KIAA0825: variants seen among roughly 807,000 people sequenced by gnomAD.
KIAA0825 encodes KIAA0825, also known as uncharacterized protein KIAA0825.
In KIAA0825, 119 loss-of-function variants were observed where a neutral mutation model predicts 147.6. The ratio of observed to expected loss-of-function variants is 0.81; its 90% CI spans 0.69 to 0.94. The LOEUF (loss-of-function observed/expected upper bound fraction) is 0.94. Among genes scored for constraint, KIAA0825 ranks in the 40% least tolerant of loss-of-function variants. The pLI, the probability that KIAA0825 is intolerant of heterozygous loss-of-function variation, is 0.00. For synonymous variants in KIAA0825, 470 were observed against 518.1 expected (o/e 0.91, Z 1.26); for missense variants, 1,381 against 1,472.7 (o/e 0.94, Z 1.02).
At chr5:94,522,116 T>C (rs1768332026) in intron 4 of KIAA0825, among the ~76,000 whole-genome samples, 1 of 151,740 alleles carries the variant, frequency 6.6e-6, no homozygotes, top group South Asian at 2.1e-4. Context: ...GGCATATGTA[T>C]TTAAAAACCC....
chr5:94,205,282 T>TATATATATAC (rs1326039669), intron 20 of KIAA0825, among the ~76,000 whole-genome samples: 1 of 140,318 alleles, frequency 7.1e-6, no homozygotes, highest in Non-Finnish European at 1.5e-5. Context: ...TATATATATA[T>TATATATATAC]ATATATATAT....
At chr5:94,411,421 T>C (rs1187115872) in intron 15 of KIAA0825, among the ~76,000 whole-genome samples, 1 of 152,146 alleles carries the variant, frequency 6.6e-6, no homozygotes, top group African/African-American at 2.4e-5. Context: ...GACAAAAGCA[T>C]TGGAGTAATT....
rs1746090168 is a variant in KIAA0825 at position 94,367,834 on chromosome 5, A to G, written c.3710+16534T>C. On this transcript the variant is annotated intron_variant, in intron 20 of 20. Transcript: ENST00000682413. Reference sequence around the variant, plus strand: ...TCCTTTTATGTTTCACCCTTATTCTATCAGCATCAAAAAGTATCTGCGTAT... The same window carrying G: ...TCCTTTTATGTTTCACCCTTATTCTGTCAGCATCAAAAAGTATCTGCGTAT... Among the ~76,000 whole-genome samples the G allele has an allele frequency of 2.0e-5, 3 of 152,246 alleles. No homozygotes were observed. In the South Asian group the frequency reaches 6.2e-4, roughly 31 times the overall value.
At chr5:94,190,732 A>G (rs903197563) in intron 20 of KIAA0825, among the ~76,000 whole-genome samples, 8 of 151,360 alleles carry the variant, frequency 5.3e-5, no homozygotes, top group East Asian at 1.9e-4. Flanking sequence ...CTCCTATACT[A>G]TTTTGATATG....
At chr5:94,378,776 G>A (rs966071561) in intron 20 of KIAA0825, among the ~76,000 whole-genome samples, 2 of 152,064 alleles carry the variant, frequency 1.3e-5, no homozygotes, top group African/African-American at 4.8e-5. Flanking sequence ...GTTATTTTTT[G>A]ACTTTTTATT....
chr5:94,288,894 G>A (rs969864185), intron 20 of KIAA0825, among the ~76,000 whole-genome samples: 6 of 152,126 alleles, frequency 3.9e-5, no homozygotes, highest in Admixed American at 6.6e-5. Flanking sequence ...ACTTAAAATC[G>A]TATTAAAAGA....
chr5:94,301,873 A>G (rs1778424307), intron 20 of KIAA0825, among the ~76,000 whole-genome samples: 1 of 152,176 alleles, frequency 6.6e-6, no homozygotes, highest in Non-Finnish European at 1.5e-5. Context: ...TTTTGATTTT[A>G]TCCCTCTAAA....
chr5:94,335,983 A>G (rs964252348), intron 20 of KIAA0825, among the ~76,000 whole-genome samples: 5 of 152,216 alleles, frequency 3.3e-5, no homozygotes, highest in African/African-American at 1.2e-4. Context: ...TGATTTGCTC[A>G]TATATGGCTT....
intron 14 of KIAA0825, among the ~76,000 whole-genome samples, chr5:94,417,743 T>A (rs1006378956): frequency 6.6e-6 from 1 of 152,178 alleles, no homozygotes; most frequent in Non-Finnish European, 1.5e-5. Flanking sequence ...TAAAAAAATT[T>A]TTTTGTAATC....
intron 12 of KIAA0825, among the ~76,000 whole-genome samples, chr5:94,456,893 TAAAATAATGG>T (rs1759185828): frequency 6.6e-6 from 1 of 152,168 alleles, no homozygotes; most frequent in East Asian, 1.9e-4. Flanking sequence ...CATGACTAGA[TAAAATAATGG>T]AGGGTCTAAA....
intron 20 of KIAA0825, among the ~76,000 whole-genome samples, chr5:94,229,148 C>G (rs1337221151): frequency 6.6e-6 from 1 of 152,180 alleles, no homozygotes; most frequent in East Asian, 1.9e-4. Flanking sequence ...CTAACTCTTT[C>G]TTGGTTTGCT....
At chr5:94,596,006 T>C (rs1268785390) in intron 1 of KIAA0825, among the ~76,000 whole-genome samples, 4 of 152,186 alleles carry the variant, frequency 2.6e-5, no homozygotes, top group Admixed American at 6.5e-5. Flanking sequence ...TTGCCAGATG[T>C]ATAGTTTGCA....
chr5:94,369,135 G>C (rs1215421859), intron 20 of KIAA0825, among the ~76,000 whole-genome samples: 1 of 152,102 alleles, frequency 6.6e-6, no homozygotes, highest in Admixed American at 6.5e-5. Flanking sequence ...TCCAGCCTAG[G>C]TGACAGAGTG....
intron 10 of KIAA0825, 86 bp from the exon 11 acceptor site, chr5:94,465,145 G>A: frequency 1.6e-6 from 2 of 1,261,852 alleles, no homozygotes; most frequent in Non-Finnish European, 2.2e-6. Flanking sequence ...AGTTCAGGCT[G>A]AAAGGAAATA....
intron 2 of KIAA0825, among the ~76,000 whole-genome samples, chr5:94,555,263 G>A (rs1657488478): frequency 6.6e-6 from 1 of 151,924 alleles, no homozygotes; most frequent in Non-Finnish European, 1.5e-5. Flanking sequence ...ATCTTAATTT[G>A]TTGATAGTCA....
intron 14 of KIAA0825, among the ~76,000 whole-genome samples, chr5:94,436,950 A>G (rs1043194799): frequency 1.3e-5 from 2 of 152,112 alleles, no homozygotes; most frequent in African/African-American, 4.8e-5. Context: ...AATGCTAGCA[A>G]TTTTTACACA....
At chr5:94,376,277 G>C (rs1290876994) in intron 20 of KIAA0825, among the ~76,000 whole-genome samples, 2 of 152,104 alleles carry the variant, frequency 1.3e-5, no homozygotes, top group African/African-American at 4.8e-5. Flanking sequence ...TAAAGTACCA[G>C]ATACTATAGT....
At chr5:94,438,495 T>A (rs1391645012) in intron 14 of KIAA0825, among the ~76,000 whole-genome samples, 11 of 152,144 alleles carry the variant, frequency 7.2e-5, no homozygotes, top group Admixed American at 7.2e-4. Context: ...CAAACAGTAC[T>A]GCTTGGGAGC....
intron 18 of KIAA0825, among the ~76,000 whole-genome samples, chr5:94,389,607 T>C (rs1749633197): frequency 6.6e-6 from 1 of 152,206 alleles, no homozygotes; most frequent in African/African-American, 2.4e-5. Context: ...CATAAATGCT[T>C]CACTATTTAC....
Sources: allele counts gnomAD v4.1 joint callset (sites outside exome capture counted in the v4.1 genomes callset), GRCh38; gene constraint gnomAD v4.1.1; transcripts MANE v1.5; gene names NCBI Gene and HGNC (gene_info 2026-07-23, HGNC 2026-07-21).